The following DORIP1 variants were observed in gnomAD, a reference collection of about 807,000 sequenced individuals.
DORIP1 encodes dopamine receptor-interacting protein 1.
the DORIP1 span, chr14:44,897,661 G>T: frequency 6.5e-6 from 1 of 154,352 alleles, no homozygotes; most frequent in South Asian, 1.8e-4. Context: ...CCGCAGTTCT[G>T]AGCACTCGGC....
the DORIP1 span, among the ~76,000 whole-genome samples, chr14:44,897,793 C>T: frequency 2.0e-5 from 3 of 152,156 alleles, no homozygotes; most frequent in Non-Finnish European, 2.9e-5. Context: ...GTGGGCGTGG[C>T]CGGAACGTGG....
chr14:44,903,624 A>G, the DORIP1 span: 2 of 1,002,470 alleles, frequency 2.0e-6, no homozygotes, highest in Non-Finnish European at 1.2e-6. Context: ...GTAAATGACA[A>G]CTAAAAAACT....
chr14:44,899,823 A>ATTTTT, the DORIP1 span, among the ~76,000 whole-genome samples: 379 of 134,422 alleles, frequency 2.8e-3, 44 homozygotes, highest in African/African-American at 0.012. Context: ...TTCATTTAGG[A>ATTTTT]ATTTTTTTTT....
the DORIP1 span, among the ~76,000 whole-genome samples, chr14:44,901,936 C>T: frequency 1.4e-4 from 21 of 152,188 alleles, no homozygotes; most frequent in South Asian, 2.1e-3. Flanking sequence ...GTTAAAGCCT[C>T]CAAGGGACAT....
At chr14:44,904,158 C>G in the DORIP1 span, 11 of 985,124 alleles carry the variant, frequency 1.1e-5, no homozygotes, top group Non-Finnish European at 1.3e-5. Context: ...ACAGAAATAG[C>G]CAGCATTTCC....
chr14:44,903,937 T>A, the DORIP1 span: 1 of 974,798 alleles, frequency 1.0e-6, no homozygotes, highest in Non-Finnish European at 1.2e-6. Flanking sequence ...GATTTTACTG[T>A]ATAATTCAAT....
the DORIP1 span, chr14:44,906,544 T>A: frequency 6.6e-6 from 1 of 152,630 alleles, no homozygotes; most frequent in East Asian, 1.9e-4. Flanking sequence ...TGACTTGCAA[T>A]ACAAATCATT....
chr14:44,905,589 A>G, the DORIP1 span: 1 of 1,367,378 alleles, frequency 7.3e-7, no homozygotes, highest in Non-Finnish European at 9.9e-7. Context: ...CCTCCTGCCC[A>G]TGCTCTCCCA....
the DORIP1 span, chr14:44,898,966 C>G: frequency 3.3e-5 from 5 of 152,308 alleles, no homozygotes; most frequent in Admixed American, 6.5e-5. Context: ...GAGGATGCAG[C>G]ACTTGGAAAA....
At chr14:44,903,004 A>G in the DORIP1 span, among the ~76,000 whole-genome samples, 1 of 152,190 alleles carries the variant, frequency 6.6e-6, no homozygotes, top group Non-Finnish European at 1.5e-5. Flanking sequence ...TTATACAAAA[A>G]TATGTTTCTT....
At chr14:44,900,905 A>C in the DORIP1 span, 1 of 1,611,534 alleles carries the variant, frequency 6.2e-7, no homozygotes, top group Non-Finnish European at 8.5e-7. Flanking sequence ...TACTGTTCCA[A>C]CTGGCGATGC....
the DORIP1 span, chr14:44,904,612 G>T: frequency 7.6e-7 from 1 of 1,307,738 alleles, no homozygotes. Context: ...TAGCCCTTAA[G>T]AGATATTGTT....
At chr14:44,906,171 C>T in the DORIP1 span, 1 of 151,396 alleles carries the variant, frequency 6.6e-6, no homozygotes, top group Admixed American at 6.6e-5. Flanking sequence ...TAACTACTTC[C>T]TAAAGTATTA....
the DORIP1 span, among the ~76,000 whole-genome samples, chr14:44,899,900 C>T: frequency 9.6e-4 from 130 of 135,024 alleles, 1 homozygote; most frequent in Admixed American, 5.1e-3. Flanking sequence ...GGCGTGATCT[C>T]GGCTCACCGC....
At chr14:44,898,505 G>C in the DORIP1 span, among the ~76,000 whole-genome samples, 1 of 152,148 alleles carries the variant, frequency 6.6e-6, no homozygotes. Flanking sequence ...GGCTCTTTAA[G>C]CAATCTTAAA....
the DORIP1 span, chr14:44,904,560 A>C: frequency 6.5e-7 from 1 of 1,540,940 alleles, no homozygotes; most frequent in Non-Finnish European, 8.7e-7. Flanking sequence ...TTCTTTATAA[A>C]ACTAATAAAA....
the DORIP1 span, among the ~76,000 whole-genome samples, chr14:44,902,172 G>C: frequency 6.6e-6 from 1 of 152,088 alleles, no homozygotes; most frequent in Non-Finnish European, 1.5e-5. Flanking sequence ...TAATTATCAA[G>C]TCATAAAGAC....
At chr14:44,897,762 G>T in the DORIP1 span, among the ~76,000 whole-genome samples, 28 of 152,158 alleles carry the variant, frequency 1.8e-4, no homozygotes, top group Non-Finnish European at 2.9e-5. Flanking sequence ...GGCCTCCCGG[G>T]CGCGGCTGCC....
the DORIP1 span, chr14:44,900,350 G>A: frequency 1.6e-6 from 2 of 1,221,230 alleles, no homozygotes; most frequent in Non-Finnish European, 2.2e-6. Context: ...GTCTTTAGAT[G>A]GATTTATTTT....
Sources: allele counts gnomAD v4.1 joint callset (sites outside exome capture counted in the v4.1 genomes callset), GRCh38; gene constraint gnomAD v4.1.1; transcripts MANE v1.5; gene names NCBI Gene and HGNC (gene_info 2026-07-23, HGNC 2026-07-21).